Variants in FBN1 observed in about 807,000 individuals in gnomAD.
FBN1 encodes fibrillin 1, also known as fibrillin-1.
In FBN1, 29 loss-of-function variants were observed where a neutral mutation model predicts 365.1. That is an observed-to-expected ratio of 0.08 (90% confidence interval 0.06 to 0.11). The LOEUF (loss-of-function observed/expected upper bound fraction) is 0.11, where lower values mean the gene tolerates loss of function less well. Ranked by LOEUF, FBN1 falls within the 10% of genes least tolerant of loss-of-function variation. The pLI is 1.00. For missense variants in FBN1, 2,476 were observed against 3,703.2 expected (o/e 0.67, Z 8.60); for synonymous variants, 1,210 against 1,270.5 (o/e 0.95, Z 1.01).
rs28444298 is a variant in FBN1 at position 48,456,887 on chromosome 15, G to A, written c.5297-125C>T. The A allele has an allele frequency of 0.095, 75,821 of 801,726 alleles. 3,942 individuals are homozygous for A. Among genetic ancestry groups the A allele is most frequent in the Middle Eastern group, 0.14 (483 of 3,404 alleles). The allele number at this position is 801,726 out of a possible 1,614,324, so 49.7% of individuals were successfully genotyped here. ...GTGTGTGTGTGCGTGCATGTGTTGG[G>A]GTGGTGGTGATGGCAATAGGGACAT... On this transcript the variant is annotated intron_variant, in intron 43 of 65. Transcript: ENST00000316623.
At chr15:48,636,680 T>C (rs1364073830) in intron 2 of FBN1, among the ~76,000 whole-genome samples, 6 of 152,098 alleles carry the variant, frequency 3.9e-5, no homozygotes, top group Non-Finnish European at 8.8e-5. Flanking sequence ...GTGGGTCCAT[T>C]TAGATAAACC....
intron 63 of FBN1, among the ~76,000 whole-genome samples, chr15:48,417,361 C>T (rs941708251): frequency 5.9e-5 from 9 of 151,794 alleles, no homozygotes; most frequent in Non-Finnish European, 1.2e-4. Context: ...GCCTTCCCTC[C>T]TTCCATGTCT....
intron 56 of FBN1, 22 bp from the exon 57 acceptor site, chr15:48,428,493 C>T (rs1390468924): frequency 1.2e-6 from 2 of 1,613,574 alleles, no homozygotes; most frequent in African/African-American, 2.7e-5. Context: ...TATTGAAGGA[C>T]CAAAAACAAG....
chr15:48,438,269 A>G (rs1287639119), intron 50 of FBN1, among the ~76,000 whole-genome samples: 2 of 152,218 alleles, frequency 1.3e-5, no homozygotes, highest in East Asian at 3.9e-4. Context: ...AATCATTCAC[A>G]AGATTCCTTC....
chr15:48,519,889 T>C (rs890144946), intron 10 of FBN1, among the ~76,000 whole-genome samples: 1 of 152,180 alleles, frequency 6.6e-6, no homozygotes, highest in African/African-American at 2.4e-5. Flanking sequence ...ATTGCCTGAG[T>C]TCATCCTGGG....
At chr15:48,598,593 A>T (rs2044533992) in intron 5 of FBN1, among the ~76,000 whole-genome samples, 1 of 152,118 alleles carries the variant, frequency 6.6e-6, no homozygotes. Flanking sequence ...TATGTCCCAC[A>T]TCCCTTGCTG....
At chr15:48,462,632 G>GCCATTTGCCTTATGCTTATTTC in intron 42 of FBN1, among the ~76,000 whole-genome samples, 1 of 151,990 alleles carries the variant, frequency 6.6e-6, no homozygotes, top group African/African-American at 2.4e-5. Context: ...ATTCTTGTTT[G>GCCATTTGCCTTATGCTTATTTC]CCATTTGCCT....
intron 6 of FBN1, among the ~76,000 whole-genome samples, chr15:48,538,653 G>A (rs1276262432): frequency 1.3e-5 from 2 of 152,020 alleles, no homozygotes; most frequent in Non-Finnish European, 2.9e-5. Context: ...TGAGCACAGA[G>A]GACCAAACCC....
chr15:48,463,447 C>A (rs943957006), intron 41 of FBN1, among the ~76,000 whole-genome samples: 1 of 152,184 alleles, frequency 6.6e-6, no homozygotes, highest in Admixed American at 6.5e-5. Flanking sequence ...AATACATTCC[C>A]TGATATTTCA....
chr15:48,574,578 AC>A (rs565018939), intron 6 of FBN1, among the ~76,000 whole-genome samples: 727 of 152,240 alleles, frequency 4.8e-3, no homozygotes, highest in Non-Finnish European at 7.8e-3. Flanking sequence ...AAAAAAAAAA[AC>A]ATATTAAGCA....
intron 14 of FBN1, 113 bp downstream of exon 14, chr15:48,509,931 T>A: frequency 8.6e-7 from 1 of 1,157,532 alleles, no homozygotes; most frequent in East Asian, 2.5e-5. Context: ...AGATAAAATA[T>A]ATAAAACATA....
chr15:48,631,032 A>G (rs1349840630), intron 2 of FBN1, among the ~76,000 whole-genome samples: 3 of 152,208 alleles, frequency 2.0e-5, no homozygotes, highest in African/African-American at 7.2e-5. Flanking sequence ...GCTGGCATGT[A>G]GGGTGCAGCG....
Position 48,445,428 on chromosome 15 carries a change from C to T in FBN1, c.5865G>A (p.Gln1955=), listed in dbSNP as rs1292712431. The change falls in exon 48 of 66, where the codon CAG becomes CAA. Residue 1955 remains glutamine, a synonymous_variant. Transcript: ENST00000316623. ...CCTCATAGCCTTCATTGCACTGGCACTGGAAAGACCCCACTGTATTAATGC... is the reference window on the plus strand; with the variant it reads ...CCTCATAGCCTTCATTGCACTGGCATTGGAAAGACCCCACTGTATTAATGC... ...GQCINTVGSF[Q]CQCNEGYEVA... 1 of 1,612,834 alleles carries T rather than the reference C, an allele frequency of 6.2e-7. No individual in the cohort carries two copies. The highest frequency in any genetic ancestry group is 2.2e-5 in the East Asian group (1 of 44,832).
chr15:48,581,677 T>C (rs948896001), intron 6 of FBN1, among the ~76,000 whole-genome samples: 3 of 152,018 alleles, frequency 2.0e-5, no homozygotes, highest in Admixed American at 6.6e-5. Context: ...AGAACAGAAA[T>C]AGCAAAGTGT....
In FBN1 at chr15:48,588,633, C is replaced by CA. The variant is rs1184241889; in HGVS notation, c.538+7649dup. 2.0e-5 allele frequency among the ~76,000 whole-genome samples: 3 copies of CA among 152,204 alleles called. No homozygotes were observed. In the East Asian group the frequency reaches 5.8e-4, roughly 29 times the overall value. ...AATTTCAATTGAACCACCAAGGGAA[C>CA]AGATGCCACATTCTAAGTCAAGTGT... On this transcript the variant is annotated intron_variant, in intron 6 of 65. Coordinates refer to ENST00000316623, the MANE Select transcript of FBN1 (RefSeq NM_000138.5).
intron 43 of FBN1, among the ~76,000 whole-genome samples, chr15:48,457,376 G>A (rs562416536): frequency 6.6e-6 from 1 of 152,288 alleles, no homozygotes; most frequent in South Asian, 2.1e-4. Context: ...CCAACACTGT[G>A]TTATGGTTCC....
At chr15:48,475,103 A>G (rs2043408793) in intron 32 of FBN1, among the ~76,000 whole-genome samples, 1 of 151,950 alleles carries the variant, frequency 6.6e-6, no homozygotes, top group Admixed American at 6.6e-5. Flanking sequence ...TTTGCATTAT[A>G]TTCTATATAT....
chr15:48,539,871 A>G (rs527498710), intron 6 of FBN1, among the ~76,000 whole-genome samples: 3 of 152,150 alleles, frequency 2.0e-5, no homozygotes, highest in Admixed American at 6.5e-5. Context: ...CTGTAGGTAT[A>G]GTTTAATATT....
chr15:48,483,647 G>A (rs1289774638), intron 31 of FBN1, among the ~76,000 whole-genome samples, 171 bp downstream of exon 31: 3 of 152,190 alleles, frequency 2.0e-5, no homozygotes, highest in African/African-American at 4.8e-5. Context: ...CCATTTAATA[G>A]CCACAAGAAA....
Sources: gnomAD v4.1 joint callset for allele counts (sites outside exome capture counted in the v4.1 genomes callset) on GRCh38, gnomAD v4.1.1 for gene constraint, MANE v1.5 for transcripts, NCBI Gene and HGNC (gene_info 2026-07-23, HGNC 2026-07-21) for gene names.